Variants in FAM228B observed in about 807,000 individuals in gnomAD.
FAM228B encodes family with sequence similarity 228 member B.
Under a neutral mutation model 42.6 loss-of-function variants are expected in FAM228B, and 38 were observed. That is an observed-to-expected ratio of 0.89 (90% CI 0.69 to 1.17). FAM228B has a LOEUF of 1.17. FAM228B is among the 50% of genes most tolerant of loss of function. FAM228B has a pLI of 0.00. For missense variants in FAM228B, 344 were observed against 367.3 expected (o/e 0.94, Z 0.52); for synonymous variants, 109 against 122.3 (o/e 0.89, Z 0.72).
chr2:24,077,510 T>C lies in FAM228B; in HGVS notation c.-290+541T>C. 1 of 1,507,964 alleles carries C rather than the reference T, an allele frequency of 6.6e-7. No homozygotes were observed. Among genetic ancestry groups the C allele is most frequent in the Non-Finnish European group, 8.9e-7 (1 of 1,123,570 alleles). The allele number at this position is 1,507,964 out of a possible 1,614,324, so 93.4% of individuals were successfully genotyped here. A position where few individuals can be genotyped will look rare whatever the true frequency, so the allele number is the denominator to read the frequency against. On this transcript the variant is annotated intron_variant, in intron 1 of 10. Transcript: ENST00000613899. The surrounding 1 kb of genome is among the most constrained non-coding windows in gnomAD (Gnocchi z 5.5). ...GCACCGGGTTTCTTGGCCTGTCTAT[T>C]GTGAATCTTCTCCAGGTTTGCTCTG...
chr2:24,143,341 C>T lies in FAM228B; in HGVS notation c.442-3407C>T, dbSNP rs150601171. On this transcript the variant is annotated intron_variant, in intron 5 of 10. Coordinates refer to ENST00000615575, the MANE Select transcript of FAM228B (RefSeq NM_001145710.2). ...GACTACAGGCGCCCGCCACCACGCC[C>T]GGCTAATTTTGTTGTTGTTGTTGTT... 8.5e-5 allele frequency among the ~76,000 whole-genome samples: 13 copies of T among 152,082 alleles called. No individual in the cohort carries two copies. In the East Asian group the frequency reaches 1.2e-3, roughly 14 times the overall value.
At position 24,124,378 on chromosome 2, in the gene FAM228B, G is replaced by A; in HGVS notation, c.17G>A (p.Ser6Asn). Residue 6 changes from serine to asparagine, a missense_variant, in exon 2 of 11, where the codon AGT (serine) becomes AAT (asparagine). Physicochemically the swap from Ser to Asn is conservative, Grantham distance 46 (BLOSUM62 1). Transcript: ENST00000615575. MKNVD[S>N]DDLVTGTLPK... Reference sequence around the variant, plus strand: ...GTGACCACAATGAAAAATGTAGACAGTGATGATCTGGTAACTGGCACACTT... The same window carrying A: ...GTGACCACAATGAAAAATGTAGACAATGATGATCTGGTAACTGGCACACTT... 1 of 1,550,392 alleles carries A rather than the reference G, an allele frequency of 6.4e-7. No individual in the cohort carries two copies. Among genetic ancestry groups the A allele is most frequent in the Non-Finnish European group, 8.7e-7 (1 of 1,146,458 alleles).
chr2:24,091,909 T>TC (rs1303069665), intron 2 of FAM228B, among the ~76,000 whole-genome samples: 1 of 151,762 alleles, frequency 6.6e-6, no homozygotes, highest in East Asian at 1.9e-4. Context: ...GAAGAACAAA[T>TC]CCCCCCAAAT....
At chr2:24,115,070 G>C (rs1457515791) in intron 3 of FAM228B, among the ~76,000 whole-genome samples, 2 of 152,206 alleles carry the variant, frequency 1.3e-5, no homozygotes, top group Non-Finnish European at 2.9e-5. Flanking sequence ...GGTGATGTGA[G>C]CCAGACAGAT....
intron 2 of FAM228B, 143 bp from the exon 3 acceptor site, chr2:24,134,976 C>G (rs1367982262): frequency 3.3e-6 from 2 of 599,990 alleles, no homozygotes; most frequent in South Asian, 4.1e-5. Context: ...AAAAAAAGCA[C>G]TCGATGATAT....
At chr2:24,155,529 ATATT>A (rs1558393353) in intron 7 of FAM228B, among the ~76,000 whole-genome samples, 1 of 12,652 alleles carries the variant, frequency 7.9e-5, no homozygotes, top group Non-Finnish European at 1.7e-4. Context: ...ATATATATAT[ATATT>A]TTTTTTTTTT....
chr2:24,114,629 T>G (rs1217852744), intron 3 of FAM228B, among the ~76,000 whole-genome samples: 3 of 152,212 alleles, frequency 2.0e-5, no homozygotes, highest in Non-Finnish European at 4.4e-5. Context: ...GGCTGTCTTT[T>G]TTTAAGTAGT....
At chr2:24,152,000 CTGGGATT>C (rs1217742547) in intron 7 of FAM228B, among the ~76,000 whole-genome samples, 4 of 152,120 alleles carry the variant, frequency 2.6e-5, no homozygotes, top group African/African-American at 4.8e-5. Flanking sequence ...TCCCGAGTAG[CTGGGATT>C]ACAGATGTGT....
At chr2:24,133,388 A>G (rs1015388477) in intron 2 of FAM228B, among the ~76,000 whole-genome samples, 2 of 152,222 alleles carry the variant, frequency 1.3e-5, no homozygotes, top group Admixed American at 6.5e-5. Context: ...TGAGTTTTCT[A>G]TGCTTCTAGT....
chr2:24,091,249 C>T (rs1180206992), intron 2 of FAM228B, among the ~76,000 whole-genome samples: 3 of 152,002 alleles, frequency 2.0e-5, no homozygotes, highest in Admixed American at 6.6e-5. Context: ...CTGGCTAACA[C>T]GGTGAAACCC....
At chr2:24,116,279 C>T (rs1193397690) in intron 3 of FAM228B, among the ~76,000 whole-genome samples, 1 of 151,664 alleles carries the variant, frequency 6.6e-6, no homozygotes, top group African/African-American at 2.4e-5. Flanking sequence ...AATGAGCTGA[C>T]ATCCCACCAC....
At chr2:24,147,178 A>G in intron 7 of FAM228B, 92 bp downstream of exon 7, 1 of 926,244 alleles carries the variant, frequency 1.1e-6, no homozygotes, top group Non-Finnish European at 1.5e-6. Context: ...TGATTTTTTA[A>G]AATTATCATT....
chr2:24,099,392 T>C (rs1665563571), intron 3 of FAM228B, among the ~76,000 whole-genome samples: 1 of 152,108 alleles, frequency 6.6e-6, no homozygotes, highest in African/African-American at 2.4e-5. Flanking sequence ...CAGCCCAAAA[T>C]CTCCTTAAGC....
At chr2:24,105,686 C>G (rs1665686238) in intron 3 of FAM228B, among the ~76,000 whole-genome samples, 1 of 152,212 alleles carries the variant, frequency 6.6e-6, no homozygotes, top group East Asian at 1.9e-4. Flanking sequence ...CAGGAGAATT[C>G]AAAACCCAAT....
intron 9 of FAM228B, among the ~76,000 whole-genome samples, chr2:24,166,265 C>T (rs1033430695): frequency 4.0e-5 from 6 of 151,728 alleles, no homozygotes; most frequent in South Asian, 2.1e-4. Flanking sequence ...GGAGTGTATT[C>T]GAGAAGTCAT....
intron 3 of FAM228B, among the ~76,000 whole-genome samples, chr2:24,105,525 CA>C (rs1445867639): frequency 6.6e-6 from 1 of 152,212 alleles, no homozygotes; most frequent in African/African-American, 2.4e-5. Context: ...AGAACTAGCA[CA>C]AAAACTCTGG....
At chr2:24,160,205 G>C (rs1238097154) in intron 7 of FAM228B, among the ~76,000 whole-genome samples, 1 of 151,940 alleles carries the variant, frequency 6.6e-6, no homozygotes, top group East Asian at 1.9e-4. Context: ...GACCAGGCTG[G>C]TCTCGAACTC....
At chr2:24,119,783 G>C (rs1383123884), upstream of FAM228B, 8 of 790,792 alleles carry the variant, frequency 1.0e-5, no homozygotes, top group Non-Finnish European at 1.6e-5. Flanking sequence ...ATTTCCATAT[G>C]TTTGGAATAT....
intron 2 of FAM228B, among the ~76,000 whole-genome samples, chr2:24,094,547 T>A (rs941509218): frequency 1.3e-5 from 2 of 152,150 alleles, no homozygotes; most frequent in Admixed American, 6.5e-5. Context: ...TAAAATGTTG[T>A]GATCATAACT....
Sources: gnomAD v4.1 joint callset for allele counts (sites outside exome capture counted in the v4.1 genomes callset) on GRCh38, gnomAD v4.1.1 for gene constraint, Gnocchi (gnomAD v3.1) non-coding constraint, MANE v1.5 for transcripts, NCBI Gene and HGNC (gene_info 2026-07-23, HGNC 2026-07-21) for gene names.